Variants in MAPK10 observed in about 807,000 individuals in gnomAD.
MAPK10 encodes the protein mitogen-activated protein kinase 10.
A neutral mutation model predicts 59.3 loss-of-function variants in MAPK10; 25 were observed. The ratio of observed to expected loss-of-function variants is 0.42; its 90% CI spans 0.31 to 0.59. The LOEUF (loss-of-function observed/expected upper bound fraction) is 0.59, where lower values mean the gene tolerates loss of function less well. MAPK10 is among the 20% of genes least tolerant of loss of function. MAPK10 has a pLI of 0.15. For synonymous variants in MAPK10, 190 were observed against 200.5 expected (o/e 0.95, Z 0.44); for missense variants, 351 against 568.9 (o/e 0.62, Z 3.90).
At chr4:86,228,383 G>GA (rs1454916507) in intron 2 of MAPK10, among the ~76,000 whole-genome samples, 1 of 152,164 alleles carries the variant, frequency 6.6e-6, no homozygotes, top group African/African-American at 2.4e-5. Flanking sequence ...CAAGGTCACA[G>GA]AAAAAACAGT....
intron 1 of MAPK10, among the ~76,000 whole-genome samples, chr4:86,482,743 A>C (rs1753702745): frequency 6.6e-6 from 1 of 152,200 alleles, no homozygotes; most frequent in Non-Finnish European, 1.5e-5. Context: ...TCCTGCCAGA[A>C]TGTGTTGTTG....
chr4:86,125,308 C>T (rs977247718), intron 4 of MAPK10: 31 of 151,672 alleles, frequency 2.0e-4, no homozygotes, highest in African/African-American at 6.5e-4. Context: ...GATTAATATA[C>T]ATGAGATGTA....
At chr4:86,322,484 A>G (rs2095919070) in intron 2 of MAPK10, among the ~76,000 whole-genome samples, 1 of 152,202 alleles carries the variant, frequency 6.6e-6, no homozygotes, top group Non-Finnish European at 1.5e-5. Flanking sequence ...CGATGCCTAT[A>G]AAAAAGTCTA....
At chr4:86,340,697 G>T (rs1423646848) in intron 2 of MAPK10, among the ~76,000 whole-genome samples, 1 of 151,954 alleles carries the variant, frequency 6.6e-6, no homozygotes, top group African/African-American at 2.4e-5. Context: ...CAAAGCAGAG[G>T]TGCTAAATTT....
chr4:86,180,635 G>T (rs1028343475), intron 3 of MAPK10, among the ~76,000 whole-genome samples: 4 of 151,810 alleles, frequency 2.6e-5, no homozygotes, highest in Non-Finnish European at 4.4e-5. Flanking sequence ...AAGCAAATTA[G>T]GTATATACAC....
At chr4:86,342,689 A>C (rs1483397446) in intron 2 of MAPK10, among the ~76,000 whole-genome samples, 1 of 152,180 alleles carries the variant, frequency 6.6e-6, no homozygotes, top group Non-Finnish European at 1.5e-5. Flanking sequence ...AATCATAAAG[A>C]ACCCAGTGTT....
chr4:86,444,888 A>C (rs1749850299), intron 1 of MAPK10, among the ~76,000 whole-genome samples: 1 of 152,246 alleles, frequency 6.6e-6, no homozygotes, highest in Non-Finnish European at 1.5e-5. Context: ...CATGCCAGTC[A>C]GAATGGCTAC....
intron 2 of MAPK10, among the ~76,000 whole-genome samples, chr4:86,315,305 T>A (rs2095759302): frequency 6.6e-6 from 1 of 151,870 alleles, no homozygotes; most frequent in South Asian, 2.1e-4. Flanking sequence ...TACAAAAAAA[T>A]AGTTAGAAAA....
chr4:86,542,942 A>G (rs960349762), intron 1 of MAPK10, among the ~76,000 whole-genome samples: 1 of 152,226 alleles, frequency 6.6e-6, no homozygotes, highest in Non-Finnish European at 1.5e-5. Flanking sequence ...CAGATCCAGC[A>G]TAAGAACCCA....
intron 1 of MAPK10, among the ~76,000 whole-genome samples, chr4:86,366,636 C>T (rs1486135649): frequency 1.3e-5 from 2 of 152,100 alleles, no homozygotes; most frequent in African/African-American, 2.4e-5. Context: ...TAGCAATCAA[C>T]AGATGAGAAT....
chr4:86,450,552 A>T (rs139509440), intron 1 of MAPK10, among the ~76,000 whole-genome samples: 58 of 152,346 alleles, frequency 3.8e-4, no homozygotes, highest in East Asian at 2.7e-3. Flanking sequence ...TCCTTCAATT[A>T]TCTCTGCCTC....
intron 2 of MAPK10, among the ~76,000 whole-genome samples, chr4:86,197,337 A>G (rs1030623412): frequency 2.0e-5 from 3 of 151,976 alleles, no homozygotes; most frequent in African/African-American, 7.3e-5. Context: ...TGTGAATGGG[A>G]GTTCACTCAT....
chr4:86,070,524 A>G (rs977056615), intron 9 of MAPK10, among the ~76,000 whole-genome samples: 3 of 148,284 alleles, frequency 2.0e-5, no homozygotes, highest in Non-Finnish European at 4.5e-5. Context: ...TATATCTCCC[A>G]ATGCTATCCT....
chr4:86,451,392 A>T (rs1183078607), intron 1 of MAPK10, among the ~76,000 whole-genome samples: 1 of 152,164 alleles, frequency 6.6e-6, no homozygotes, highest in African/African-American at 2.4e-5. Context: ...TCACCAAACT[A>T]CCTTGTTTTA....
At chr4:86,163,030 C>G (rs1308734325) in intron 3 of MAPK10, among the ~76,000 whole-genome samples, 2 of 152,104 alleles carry the variant, frequency 1.3e-5, no homozygotes, top group East Asian at 3.9e-4. Context: ...AATTTCCTTT[C>G]AAGTTTCTTC....
intron 1 of MAPK10, among the ~76,000 whole-genome samples, chr4:86,447,164 T>C (rs2149051911): frequency 6.6e-6 from 1 of 152,016 alleles, no homozygotes; most frequent in South Asian, 2.1e-4. Context: ...TGGTGGGAGG[T>C]AATTGGATCA....
chr4:86,532,424 C>G (rs887138633), intron 1 of MAPK10, among the ~76,000 whole-genome samples: 6 of 152,122 alleles, frequency 3.9e-5, no homozygotes, highest in Non-Finnish European at 5.9e-5. Flanking sequence ...AACTTATTTG[C>G]CAATAACTGG....
chr4:86,487,346 TAA>T (rs997923954), intron 1 of MAPK10, among the ~76,000 whole-genome samples: 7 of 104,112 alleles, frequency 6.7e-5, no homozygotes, highest in East Asian at 2.9e-4. Context: ...AAATAGTTCA[TAA>T]AAGAGAGAGA....
At chr4:86,521,800 C>T (rs1182228444) in intron 1 of MAPK10, among the ~76,000 whole-genome samples, 1 of 152,142 alleles carries the variant, frequency 6.6e-6, no homozygotes, top group Non-Finnish European at 1.5e-5. Flanking sequence ...GGCTTGTATA[C>T]TTGTATCGGC....
Sources: allele counts gnomAD v4.1 joint callset (sites outside exome capture counted in the v4.1 genomes callset), GRCh38; gene constraint gnomAD v4.1.1; transcripts MANE v1.5; gene names NCBI Gene and HGNC (gene_info 2026-07-23, HGNC 2026-07-21).